The following DKK3 variants were observed in gnomAD, a reference collection of about 807,000 sequenced individuals.
DKK3 encodes the protein dickkopf Wnt signaling pathway inhibitor 3, also known as dickkopf-related protein 3.
A neutral mutation model predicts 33.2 loss-of-function variants in DKK3; 22 were observed. That is an observed-to-expected ratio of 0.66 (90% CI 0.47 to 0.95). The LOEUF (loss-of-function observed/expected upper bound fraction) is 0.95, where lower values mean the gene tolerates loss of function less well. DKK3 is among the 40% of genes least tolerant of loss of function. The probability of loss-of-function intolerance (pLI) is 0.00; values close to 1 mark genes in which losing one functional copy is unlikely to be tolerated. For synonymous variants in DKK3, 194 were observed against 188.8 expected (o/e 1.03, Z -0.23); for missense variants, 398 against 458.4 (o/e 0.87, Z 1.20).
chr11:11,995,108 G>A (rs1296525293), intron 3 of DKK3, among the ~76,000 whole-genome samples: 1 of 152,116 alleles, frequency 6.6e-6, no homozygotes, highest in Non-Finnish European at 1.5e-5. Flanking sequence ...TAGAGACAGG[G>A]TATTCCTGTC....
intron 3 of DKK3, among the ~76,000 whole-genome samples, chr11:11,979,313 C>G (rs1847906449): frequency 6.6e-6 from 1 of 152,260 alleles, no homozygotes. Context: ...CTGCTCCAAA[C>G]TCCAGGCTGC....
At position 11,998,875 on chromosome 11, in the gene DKK3, G is replaced by A. The variant is rs2133323780; in HGVS notation, c.352-96C>T. 5 of 1,190,366 alleles carry A rather than the reference G, an allele frequency of 4.2e-6. No homozygotes were observed. In the East Asian group the frequency reaches 1.2e-4, roughly 28 times the overall value. The allele number at this position is 1,190,366 out of a possible 1,614,324, so 73.7% of individuals were successfully genotyped here. A position where few individuals can be genotyped will look rare whatever the true frequency, so the allele number is the denominator to read the frequency against. Reference sequence around the variant, plus strand: ...GTTTTGTTTTCCATTTTCTGAAGCAGGAGCATCCAGTATAGGAGTCGAAAT... The same window carrying A: ...GTTTTGTTTTCCATTTTCTGAAGCAAGAGCATCCAGTATAGGAGTCGAAAT... On this transcript the variant is annotated intron_variant, in intron 2 of 6. Coordinates refer to ENST00000683431, the MANE Select transcript of DKK3 (RefSeq NM_001018057.2).
chr11:11,983,751 T>C (rs10831711), intron 3 of DKK3, among the ~76,000 whole-genome samples: 90,584 of 152,146 alleles, frequency 0.6, 27,470 homozygotes, highest in East Asian at 0.91. Flanking sequence ...ATCTGGGAGA[T>C]GCCCCAGGAT....
intron 3 of DKK3, among the ~76,000 whole-genome samples, chr11:11,978,460 C>T (rs557520421): frequency 1.3e-3 from 148 of 113,656 alleles, no homozygotes; most frequent in African/African-American, 3.7e-3. Context: ...TTCTTCCTCT[C>T]CTTCCTCCAC....
intron 3 of DKK3, among the ~76,000 whole-genome samples, chr11:11,989,617 T>A (rs555059590): frequency 6.6e-6 from 1 of 152,300 alleles, no homozygotes; most frequent in Non-Finnish European, 1.5e-5. Flanking sequence ...GGGTATAGCA[T>A]CTCTGATTTG....
At chr11:12,006,846 C>G (rs758982745) in intron 1 of DKK3, among the ~76,000 whole-genome samples, 1 of 152,174 alleles carries the variant, frequency 6.6e-6, no homozygotes, top group Non-Finnish European at 1.5e-5. Context: ...GTCAGTCTTA[C>G]CGGGAATCTG....
chr11:12,002,760 TA>T (rs1365809424), intron 1 of DKK3, among the ~76,000 whole-genome samples: 1 of 152,198 alleles, frequency 6.6e-6, no homozygotes, highest in African/African-American at 2.4e-5. Context: ...ATGTTTCCAC[TA>T]GATAGTCTTG....
At chr11:11,993,280 A>G (rs1300825720) in intron 3 of DKK3, among the ~76,000 whole-genome samples, 6 of 152,172 alleles carry the variant, frequency 3.9e-5, no homozygotes, top group African/African-American at 1.4e-4. Context: ...ATGTCTTACC[A>G]GGATTTTTTA....
intron 3 of DKK3, among the ~76,000 whole-genome samples, chr11:11,986,683 T>A (rs774457876): frequency 6.6e-6 from 1 of 152,202 alleles, no homozygotes. Context: ...CAGAAATATA[T>A]CTTTTAATTG....
chr11:11,971,761 C>A (rs1847730143), intron 3 of DKK3, among the ~76,000 whole-genome samples: 1 of 152,172 alleles, frequency 6.6e-6, no homozygotes, highest in African/African-American at 2.4e-5. Context: ...GAATATCTTC[C>A]TTTCCCTAAA....
intron 3 of DKK3, among the ~76,000 whole-genome samples, chr11:11,995,986 A>G (rs750863388): frequency 7.2e-5 from 11 of 152,232 alleles, no homozygotes; most frequent in Non-Finnish European, 1.3e-4. Flanking sequence ...TTGGGTTACC[A>G]TACATATTAA....
At chr11:11,985,551 T>C (rs542655628) in intron 3 of DKK3, among the ~76,000 whole-genome samples, 1 of 152,372 alleles carries the variant, frequency 6.6e-6, no homozygotes, top group South Asian at 2.1e-4. Context: ...TCTGATCATT[T>C]TGCAAGGCAG....
intron 3 of DKK3, among the ~76,000 whole-genome samples, chr11:11,997,921 T>G (rs1848332963): frequency 6.6e-6 from 1 of 152,206 alleles, no homozygotes; most frequent in Non-Finnish European, 1.5e-5. Context: ...AGAAGCCATC[T>G]GGATACAGGG....
intron 3 of DKK3, among the ~76,000 whole-genome samples, chr11:11,994,295 G>A (rs1848246743): frequency 6.6e-6 from 1 of 151,882 alleles, no homozygotes; most frequent in African/African-American, 2.4e-5. Context: ...TTCTCACTCA[G>A]TCTTGTGAAA....
At chr11:11,964,725 G>A in intron 6 of DKK3, 39 bp from the exon 7 acceptor site, 1 of 1,592,152 alleles carries the variant, frequency 6.3e-7, no homozygotes, top group Non-Finnish European at 8.5e-7. Context: ...CTAAACGTGG[G>A]AGCCTGCCCA....
intron 3 of DKK3, among the ~76,000 whole-genome samples, chr11:11,992,346 T>C (rs1285956134): frequency 1.3e-5 from 2 of 152,174 alleles, no homozygotes; most frequent in African/African-American, 4.8e-5. Context: ...TAATAAGCAA[T>C]AGAATTGCCA....
intron 3 of DKK3, among the ~76,000 whole-genome samples, chr11:11,994,437 T>G (rs889613860): frequency 1.3e-5 from 2 of 152,118 alleles, no homozygotes; most frequent in African/African-American, 4.8e-5. Context: ...TGCCTCAAAA[T>G]GGACAGAAGG....
Position 11,964,455 on chromosome 11 carries a change from G to C in DKK3, c.*9C>G, listed in dbSNP as rs763132119. The C allele has an allele frequency of 5.6e-6, 9 of 1,608,772 alleles. No individual in the cohort carries two copies. Among genetic ancestry groups the C allele is most frequent in the African/African-American group, 2.7e-5 (2 of 74,874 alleles). On this transcript the variant is annotated 3_prime_UTR_variant, in exon 7 of 7. Transcript: ENST00000683431. The stretch of plus-strand genomic sequence containing the variant: ...TCTATTGCACATCTACCCACAGCCT[G>C]GTCCAGATCTAAATCTCTTCCCCTC...
chr11:12,002,891 C>T (rs1421787506), intron 1 of DKK3, among the ~76,000 whole-genome samples: 1 of 152,222 alleles, frequency 6.6e-6, no homozygotes, highest in Non-Finnish European at 1.5e-5. Context: ...AGGGCATTCT[C>T]TGGTCACCAA....
Sources: gnomAD v4.1 joint callset for allele counts (sites outside exome capture counted in the v4.1 genomes callset) on GRCh38, gnomAD v4.1.1 for gene constraint, MANE v1.5 for transcripts, NCBI Gene and HGNC (gene_info 2026-07-23, HGNC 2026-07-21) for gene names.